SLC25A27: variants seen among roughly 807,000 people sequenced by gnomAD.
SLC25A27 encodes mitochondrial uncoupling protein 4.
In SLC25A27, 35 loss-of-function variants were observed where a neutral mutation model predicts 49.1. The observed-to-expected ratio is 0.71, with a 90% CI of 0.54 to 0.95. The LOEUF is 0.95. SLC25A27 is among the 40% of genes least tolerant of loss of function. The pLI is 0.00. For missense variants in SLC25A27, 339 were observed against 397.1 expected (o/e 0.85, Z 1.24); for synonymous variants, 144 against 136.9 (o/e 1.05, Z -0.36).
chr6:46,665,893 C>T (rs1227239254), intron 5 of SLC25A27, among the ~76,000 whole-genome samples: 1 of 152,134 alleles, frequency 6.6e-6, no homozygotes, highest in Non-Finnish European at 1.5e-5. Flanking sequence ...ATTGGTGTCC[C>T]TAAAACTTGT....
chr6:46,665,622 C>G (rs1187098583), intron 5 of SLC25A27, among the ~76,000 whole-genome samples: 12 of 152,024 alleles, frequency 7.9e-5, no homozygotes, highest in Non-Finnish European at 2.9e-5. Flanking sequence ...GGAGGCGAAG[C>G]TTGCAGTGAG....
At chr6:46,675,208 T>G (rs934098234) in intron 8 of SLC25A27, among the ~76,000 whole-genome samples, 2 of 152,170 alleles carry the variant, frequency 1.3e-5, no homozygotes, top group African/African-American at 4.8e-5. Context: ...AGTCCCTGGT[T>G]AGTACTTATT....
chr6:46,653,338 C>T, intron 1 of SLC25A27, 40 bp downstream of exon 1: 3 of 1,580,692 alleles, frequency 1.9e-6, no homozygotes, highest in Non-Finnish European at 2.6e-6. Flanking sequence ...GGGCCAGTGG[C>T]ACGCGCCGCG....
At chr6:46,668,959 T>C (rs913039498) in intron 6 of SLC25A27, among the ~76,000 whole-genome samples, 166 bp downstream of exon 6, 2 of 152,156 alleles carry the variant, frequency 1.3e-5, no homozygotes, top group African/African-American at 4.8e-5. Flanking sequence ...GCAGTTAGAA[T>C]GGGGAAGAGA....
At chr6:46,672,145 G>A (rs953454795) in intron 8 of SLC25A27, among the ~76,000 whole-genome samples, 4 of 152,120 alleles carry the variant, frequency 2.6e-5, no homozygotes, top group South Asian at 4.1e-4. Context: ...AACCTCCCTG[G>A]AGAATGGACT....
chr6:46,655,535 GTTTTTTTTTTTTTTTTTTT>G (rs773585919), intron 1 of SLC25A27, among the ~76,000 whole-genome samples: 2 of 10,710 alleles, frequency 1.9e-4, no homozygotes, highest in Non-Finnish European at 4.0e-4. Flanking sequence ...GTTAATGTTT[GTTTTTTTTTTTTTTTTTTT>G]TTTTTTTTTT....
At chr6:46,666,957 C>T (rs1763345582) in intron 5 of SLC25A27, among the ~76,000 whole-genome samples, 2 of 152,110 alleles carry the variant, frequency 1.3e-5, no homozygotes, top group African/African-American at 4.8e-5. Context: ...CACTTTTCTC[C>T]ATTCCTGGAG....
chr6:46,661,192 A>C (rs1352964603), intron 3 of SLC25A27, among the ~76,000 whole-genome samples: 1 of 152,250 alleles, frequency 6.6e-6, no homozygotes, highest in East Asian at 1.9e-4. Context: ...GTATGTGCTC[A>C]TCATTGTGTG....
chr6:46,675,378 A>G (rs1488406606), intron 8 of SLC25A27, among the ~76,000 whole-genome samples: 1 of 152,190 alleles, frequency 6.6e-6, no homozygotes, highest in Non-Finnish European at 1.5e-5. Context: ...TTACAAGAAT[A>G]TGGTATCATC....
intron 2 of SLC25A27, among the ~76,000 whole-genome samples, chr6:46,658,239 T>G (rs1763051056): frequency 6.6e-6 from 1 of 152,188 alleles, no homozygotes; most frequent in South Asian, 2.1e-4. Context: ...AGTTGTATAT[T>G]TTTGAGTATC....
intron 2 of SLC25A27, among the ~76,000 whole-genome samples, chr6:46,657,953 C>G (rs1055135242): frequency 8.5e-5 from 13 of 152,178 alleles, no homozygotes; most frequent in African/African-American, 3.1e-4. Flanking sequence ...TGCTCTGCTT[C>G]CACAGTGGCA....
In SLC25A27 at chr6:46,653,118, C is replaced by A; in HGVS notation, c.-75C>A. On this transcript the variant is annotated 5_prime_UTR_variant, in exon 1 of 9. Coordinates refer to ENST00000371347, the MANE Select transcript of SLC25A27 (RefSeq NM_004277.5). ...GCCGGTTGAAAAGGGGCCGCCCTGG[C>A]AGGGAAGCGGCCGCCGCGGCGCGGT... 2.1e-6 allele frequency: 3 copies of A among 1,410,544 alleles called. No homozygotes were observed. The highest frequency in any genetic ancestry group is 3.0e-6 in the Non-Finnish European group (3 of 1,010,758). The allele number at this position is 1,410,544 out of a possible 1,614,324, so 87.4% of individuals were successfully genotyped here.
chr6:46,653,205 G>C lies in SLC25A27; in HGVS notation c.13G>C (p.Glu5Gln), dbSNP rs1562031397. The C allele has an allele frequency of 6.2e-7, 1 of 1,610,884 alleles. No homozygotes were observed. Among genetic ancestry groups the C allele is most frequent in the Non-Finnish European group, 8.5e-7 (1 of 1,177,488 alleles). Residue 5 changes from glutamate (E) to glutamine (Q), a missense_variant, in exon 1 of 9, where the codon GAG becomes CAG. By Grantham distance (29) the Glu-to-Gln change is conservative. Coordinates refer to ENST00000371347, the MANE Select transcript of SLC25A27 (RefSeq NM_004277.5). MSVP[E>Q]EEERLLPLTQ... ...GCGCTACTGCTGAATGTCCGTCCCG[G>C]AGGAGGAGGAGAGGCTTTTGCCGCT...
chr6:46,668,703 T>C lies in SLC25A27; in HGVS notation c.620-6T>C. On this transcript the variant is annotated splice_polypyrimidine_tract_variant and splice_region_variant and intron_variant, in intron 5 of 8. Transcript: ENST00000371347. ...TGATGAATATTTAAACTTTTTCCAT[T>C]GCCAGATTTAACCACTTATGATACA... The C allele has an allele frequency of 6.4e-7, 1 of 1,565,020 alleles. No homozygotes were observed.
intron 4 of SLC25A27, among the ~76,000 whole-genome samples, chr6:46,663,576 A>T (rs1763233248): frequency 6.6e-6 from 1 of 152,244 alleles, no homozygotes; most frequent in South Asian, 2.1e-4. Flanking sequence ...GGATAGGAGG[A>T]GAAAACTGGT....
intron 1 of SLC25A27, among the ~76,000 whole-genome samples, chr6:46,655,531 G>GTTTTTTTTTTTTTTT (rs1283936753): frequency 2.0e-5 from 2 of 98,548 alleles, no homozygotes; most frequent in African/African-American, 7.4e-5. Flanking sequence ...TATTGTTAAT[G>GTTTTTTTTTTTTTTT]TTTGTTTTTT....
At position 46,655,832 on chromosome 6, in the gene SLC25A27, G is replaced by A. The variant is rs1582494910; in HGVS notation, c.107-11G>A. On this transcript the variant is annotated splice_polypyrimidine_tract_variant and intron_variant, in intron 1 of 8. Coordinates refer to ENST00000371347, the MANE Select transcript of SLC25A27 (RefSeq NM_004277.5). Reference sequence around the variant, plus strand: ...GTTGTGGGTTTTTCCCTGCATTTGTGTTTTTGTTAGCAACCTTTCCCCTGG... The same window carrying A: ...GTTGTGGGTTTTTCCCTGCATTTGTATTTTTGTTAGCAACCTTTCCCCTGG... 6.2e-7 allele frequency: 1 copy of A among 1,606,812 alleles called. No individual in the cohort carries two copies. The highest frequency in any genetic ancestry group is 1.4e-5 in the African/African-American group (1 of 74,032).
chr6:46,653,817 C>G, intron 1 of SLC25A27: 1 of 985,314 alleles, frequency 1.0e-6, no homozygotes, highest in Non-Finnish European at 1.2e-6. Flanking sequence ...TTGCAGGATT[C>G]TGAGAAGTCA....
chr6:46,667,157 A>G (rs373174703), intron 5 of SLC25A27, among the ~76,000 whole-genome samples: 1 of 152,072 alleles, frequency 6.6e-6, no homozygotes, highest in African/African-American at 2.4e-5. Flanking sequence ...CACCATCCCT[A>G]TAAATGGTGC....
Sources: gnomAD v4.1 joint callset for allele counts (sites outside exome capture counted in the v4.1 genomes callset) on GRCh38, gnomAD v4.1.1 for gene constraint, MANE v1.5 for transcripts, NCBI Gene and HGNC (gene_info 2026-07-23, HGNC 2026-07-21) for gene names.